The following PAPPA variants were observed in gnomAD, a reference collection of about 807,000 sequenced individuals.
PAPPA encodes pappalysin-1.
Under a neutral mutation model 164.0 loss-of-function variants are expected in PAPPA, and 60 were observed. The ratio of observed to expected loss-of-function variants is 0.37; its 90% CI spans 0.30 to 0.45. The LOEUF is 0.45. PAPPA is among the 20% of genes least tolerant of loss of function. The probability of loss-of-function intolerance (pLI) is 1.00; values close to 1 mark genes in which losing one functional copy is unlikely to be tolerated. For missense variants in PAPPA, 1,782 were observed against 2,087.3 expected (o/e 0.85, Z 2.85); for synonymous variants, 875 against 814.1 (o/e 1.07, Z -1.27).
chr9:116,347,081 C>T lies in PAPPA; in HGVS notation c.3836C>T (p.Ala1279Val), dbSNP rs773996808. 1.9e-6 allele frequency: 3 copies of T among 1,614,144 alleles called. No individual in the cohort carries two copies. Among genetic ancestry groups the T allele is most frequent in the Admixed American group, 3.3e-5 (2 of 60,024 alleles). ...GAGGGCAAGTGGAATAAGCAGGTGG[C>T]CTGTGAGCCAGTCGACTGCAGCATC... is the stretch of plus-strand genomic sequence containing the variant. Reference protein sequence around the residue: ...CTEGKWNKQVACEPVDCSIPD... With the variant: ...CTEGKWNKQVVCEPVDCSIPD... Residue 1279 changes from alanine to valine, a missense_variant, in exon 15 of 22, where the codon GCC (alanine) becomes GTC (valine). Transcript: ENST00000328252. This position sits in a 1 kb window ranked among gnomAD's most constrained non-coding sequence, Gnocchi z 4.5.
intron 5 of PAPPA, among the ~76,000 whole-genome samples, chr9:116,225,465 T>C (rs1027275280): frequency 2.6e-5 from 4 of 152,250 alleles, no homozygotes; most frequent in African/African-American, 9.6e-5. Flanking sequence ...TTGCTGCTGA[T>C]AATATTTTGT....
At chr9:116,243,587 G>A (rs1844761606) in intron 7 of PAPPA, among the ~76,000 whole-genome samples, 1 of 152,152 alleles carries the variant, frequency 6.6e-6, no homozygotes, top group African/African-American at 2.4e-5. Flanking sequence ...GCAAGATACA[G>A]AGCACAGTCA....
intron 21 of PAPPA, among the ~76,000 whole-genome samples, chr9:116,394,773 A>G (rs971307276): frequency 6.6e-6 from 1 of 152,236 alleles, no homozygotes; most frequent in Admixed American, 6.5e-5. Flanking sequence ...GGGACGGTGG[A>G]AATGCTTACC....
At chr9:116,169,246 A>G (rs1302251092) in intron 1 of PAPPA, among the ~76,000 whole-genome samples, 1 of 145,892 alleles carries the variant, frequency 6.9e-6, no homozygotes, top group Non-Finnish European at 1.5e-5. Flanking sequence ...GTGAACCAGT[A>G]TACCATCTAT....
At chr9:116,346,725 A>G (rs1324914630) in intron 14 of PAPPA, among the ~76,000 whole-genome samples, 1 of 152,210 alleles carries the variant, frequency 6.6e-6, no homozygotes, top group Non-Finnish European at 1.5e-5. Context: ...TCTGGGAGGC[A>G]CTATAGACAG....
At chr9:116,274,001 T>G (rs1157374316) in intron 9 of PAPPA, among the ~76,000 whole-genome samples, 2 of 151,976 alleles carry the variant, frequency 1.3e-5, no homozygotes, top group African/African-American at 2.4e-5. Flanking sequence ...GGGGTGATGA[T>G]CTAAGGATAC....
chr9:116,284,608 C>G (rs1204453860), intron 9 of PAPPA, among the ~76,000 whole-genome samples: 2 of 142,236 alleles, frequency 1.4e-5, no homozygotes, highest in Non-Finnish European at 3.0e-5. Flanking sequence ...TACTTTGACG[C>G]CCCAAGGGAA....
At chr9:116,163,145 T>C (rs1265216626) in intron 1 of PAPPA, among the ~76,000 whole-genome samples, 1 of 152,194 alleles carries the variant, frequency 6.6e-6, no homozygotes, top group African/African-American at 2.4e-5. Context: ...ATCTCCGCCC[T>C]CAGGGAGTTT....
intron 5 of PAPPA, among the ~76,000 whole-genome samples, chr9:116,220,339 T>G (rs1204142381): frequency 6.6e-6 from 1 of 152,072 alleles, no homozygotes; most frequent in Non-Finnish European, 1.5e-5. Context: ...ATAAATATTT[T>G]TAAGTGAATG....
At position 116,154,147 on chromosome 9, in the gene PAPPA, AG is replaced by A. The variant is rs748245911; in HGVS notation, c.-19del. On this transcript the variant is annotated 5_prime_UTR_variant, in exon 1 of 22. Transcript: ENST00000328252. The surrounding 1 kb of genome is among the most constrained non-coding windows in gnomAD (Gnocchi z 5.2). ...GCTCCGGGTGGCGGTGCAGGGGCGA[AG>A]GGGGGGCGGGGGGAACCGTCGGACA... is the stretch of plus-strand genomic sequence containing the variant. 1.2e-4 allele frequency: 42 copies of A among 341,600 alleles called. No individual in the cohort carries two copies. Among genetic ancestry groups the A allele is most frequent in the East Asian group, 3.4e-4 (1 of 2,910 alleles). The allele number at this position is 341,600 out of a possible 1,614,324, so 21.2% of individuals were successfully genotyped here. A position where few individuals can be genotyped will look rare whatever the true frequency, so the allele number is the denominator to read the frequency against.
intron 5 of PAPPA, among the ~76,000 whole-genome samples, chr9:116,220,513 T>G (rs918230720): frequency 2.7e-5 from 4 of 146,750 alleles, no homozygotes; most frequent in African/African-American, 9.9e-5. Context: ...AATTATATTG[T>G]ATCATATTAT....
intron 15 of PAPPA, among the ~76,000 whole-genome samples, chr9:116,350,726 G>A (rs924445707): frequency 6.6e-6 from 1 of 152,130 alleles, no homozygotes; most frequent in African/African-American, 2.4e-5. Flanking sequence ...TTGTGCATTA[G>A]CTGGGCACCC....
chr9:116,240,050 A>T (rs1386836953), intron 7 of PAPPA, among the ~76,000 whole-genome samples: 1 of 152,200 alleles, frequency 6.6e-6, no homozygotes, highest in Non-Finnish European at 1.5e-5. Flanking sequence ...GCCTATATGG[A>T]ATCTTCAGAT....
chr9:116,243,088 A>G (rs754196767), intron 7 of PAPPA, among the ~76,000 whole-genome samples: 10 of 152,196 alleles, frequency 6.6e-5, no homozygotes, highest in Non-Finnish European at 1.3e-4. Context: ...ATGTCCATTA[A>G]TGTTATCAGA....
intron 14 of PAPPA, 83 bp downstream of exon 14, chr9:116,344,794 C>T: frequency 1.6e-6 from 2 of 1,223,876 alleles, no homozygotes; most frequent in East Asian, 4.9e-5. Flanking sequence ...TGCTAAATAC[C>T]CAGCAGCACT....
At position 116,271,072 on chromosome 9, in the gene PAPPA, C is replaced by A. The variant is rs1402023719; in HGVS notation, c.2862-253C>A. 2.0e-5 allele frequency among the ~76,000 whole-genome samples: 3 copies of A among 152,154 alleles called. No individual in the cohort carries two copies. The highest frequency in any genetic ancestry group is 7.2e-5 in the African/African-American group (3 of 41,428). ...CCATCTGACTTAACTGACTTGAGAT[C>A]TCAGAGAATGAGTTGGAATCAGGAC... On this transcript the variant is annotated intron_variant, in intron 8 of 21. Transcript: ENST00000328252. The surrounding 1 kb of genome is among the most constrained non-coding windows in gnomAD (Gnocchi z 4.2).
At chr9:116,255,277 G>A (rs574527341) in intron 7 of PAPPA, among the ~76,000 whole-genome samples, 1 of 151,924 alleles carries the variant, frequency 6.6e-6, no homozygotes, top group Non-Finnish European at 1.5e-5. Context: ...TTTAAATCTT[G>A]TTTTATAATT....
intron 21 of PAPPA, among the ~76,000 whole-genome samples, chr9:116,383,546 G>A (rs1486808547): frequency 2.0e-5 from 3 of 152,082 alleles, no homozygotes; most frequent in African/African-American, 7.2e-5. Context: ...GAAAGAGTGA[G>A]GTTCCTGGAT....
intron 4 of PAPPA, among the ~76,000 whole-genome samples, chr9:116,218,570 C>T (rs776737770): frequency 2.0e-5 from 3 of 152,068 alleles, no homozygotes; most frequent in Non-Finnish European, 4.4e-5. Flanking sequence ...TCCCTCAGAA[C>T]CAGGTCTTAG....
Sources: allele counts gnomAD v4.1 joint callset (sites outside exome capture counted in the v4.1 genomes callset), GRCh38; gene constraint gnomAD v4.1.1; non-coding constraint Gnocchi (gnomAD v3.1); transcripts MANE v1.5; gene names NCBI Gene and HGNC (gene_info 2026-07-23, HGNC 2026-07-21).